Variants in BAALC observed in about 807,000 individuals in gnomAD.
The protein encoded by BAALC is brain and acute leukemia cytoplasmic protein.
Under a neutral mutation model 15.5 loss-of-function variants are expected in BAALC, and 9 were observed. That is an observed-to-expected ratio of 0.58 (90% confidence interval 0.35 to 1.02). BAALC has a LOEUF of 1.02. Among genes scored for constraint, BAALC ranks in the 50% least tolerant of loss-of-function variants. BAALC has a pLI of 0.02. For missense variants in BAALC, 201 were observed against 192.4 expected (o/e 1.04, Z -0.27); for synonymous variants, 80 against 74.6 (o/e 1.07, Z -0.37).
chr8:103,190,091 T>C (rs1811931963), intron 1 of BAALC, among the ~76,000 whole-genome samples: 1 of 152,108 alleles, frequency 6.6e-6, no homozygotes, highest in African/African-American at 2.4e-5. Context: ...AGGGAAATGA[T>C]AGGCCACCAG....
intron 1 of BAALC, among the ~76,000 whole-genome samples, chr8:103,210,107 T>G (rs1275597122): frequency 6.6e-6 from 1 of 152,134 alleles, no homozygotes; most frequent in Non-Finnish European, 1.5e-5. Flanking sequence ...ATGTGTACTG[T>G]GGTGTTCATA....
intron 1 of BAALC, among the ~76,000 whole-genome samples, chr8:103,169,541 A>T (rs1438698718): frequency 1.3e-5 from 2 of 152,152 alleles, no homozygotes; most frequent in African/African-American, 2.4e-5. Context: ...TGTCATCTTC[A>T]CTATAGAGTA....
At chr8:103,161,109 C>G (rs1464156110) in intron 1 of BAALC, among the ~76,000 whole-genome samples, 2 of 152,084 alleles carry the variant, frequency 1.3e-5, no homozygotes, top group Non-Finnish European at 2.9e-5. Flanking sequence ...ATTGCTGTTT[C>G]TTTCATTTCA....
chr8:103,216,103 T>G (rs1464139077), intron 2 of BAALC, among the ~76,000 whole-genome samples: 1 of 152,248 alleles, frequency 6.6e-6, no homozygotes, highest in African/African-American at 2.4e-5. Flanking sequence ...TGAGTTGCAA[T>G]AATTTTCTCA....
chr8:103,160,613 G>T (rs1469893085), intron 1 of BAALC, among the ~76,000 whole-genome samples: 1 of 151,996 alleles, frequency 6.6e-6, no homozygotes, highest in East Asian at 1.9e-4. Context: ...TTCTCCAGAG[G>T]AACAGAACTA....
At chr8:103,171,046 G>T (rs923174110) in intron 1 of BAALC, among the ~76,000 whole-genome samples, 2 of 151,914 alleles carry the variant, frequency 1.3e-5, no homozygotes, top group Admixed American at 1.3e-4. Context: ...TATTTGGAAA[G>T]CTATCAAGCC....
intron 2 of BAALC, among the ~76,000 whole-genome samples, chr8:103,223,769 T>A (rs757012034): frequency 6.6e-6 from 1 of 152,218 alleles, no homozygotes; most frequent in African/African-American, 2.4e-5. Flanking sequence ...CTTTGTATCA[T>A]CTGTGTATCA....
At chr8:103,211,721 C>T (rs1027937190) in intron 1 of BAALC, among the ~76,000 whole-genome samples, 4 of 152,292 alleles carry the variant, frequency 2.6e-5, no homozygotes, top group Admixed American at 1.3e-4. Flanking sequence ...TACTATTGGC[C>T]TAACTCTTGG....
intron 1 of BAALC, among the ~76,000 whole-genome samples, chr8:103,147,366 A>G (rs1478624803): frequency 1.3e-5 from 2 of 152,246 alleles, no homozygotes; most frequent in African/African-American, 4.8e-5. Flanking sequence ...ACGATAGTCA[A>G]TAATAACTCA....
chr8:103,157,134 AC>A (rs1405060276), intron 1 of BAALC: 1 of 150,592 alleles, frequency 6.6e-6, no homozygotes, highest in Admixed American at 6.6e-5. Context: ...GTACACACAC[AC>A]ACACACACAC....
intron 1 of BAALC, 65 bp from the exon 2 acceptor site, chr8:103,212,854 T>G: frequency 3.3e-6 from 5 of 1,498,810 alleles, no homozygotes; most frequent in Non-Finnish European, 4.5e-6. Flanking sequence ...TCCACCATTT[T>G]GGGATTGTTT....
intron 2 of BAALC, among the ~76,000 whole-genome samples, chr8:103,218,743 G>A (rs1812615004): frequency 6.6e-6 from 1 of 152,148 alleles, no homozygotes; most frequent in African/African-American, 2.4e-5. Flanking sequence ...CCGTGCTAAA[G>A]GAACTAGCAT....
chr8:103,168,739 T>C (rs1204669467), intron 1 of BAALC, among the ~76,000 whole-genome samples: 4 of 152,202 alleles, frequency 2.6e-5, no homozygotes, highest in African/African-American at 9.7e-5. Flanking sequence ...GAGGATTTCC[T>C]TAGCCTCTCT....
chr8:103,205,212 T>C (rs1275024764), intron 1 of BAALC, among the ~76,000 whole-genome samples: 1 of 152,218 alleles, frequency 6.6e-6, no homozygotes, highest in African/African-American at 2.4e-5. Context: ...CTAGCTACCA[T>C]TTTTAATTTC....
intron 1 of BAALC, among the ~76,000 whole-genome samples, chr8:103,211,467 T>A (rs1286801480): frequency 6.6e-6 from 1 of 152,230 alleles, no homozygotes; most frequent in Non-Finnish European, 1.5e-5. Flanking sequence ...TTTGTGGTTA[T>A]ATTATCTCCA....
chr8:103,223,935 G>C (rs778672130), intron 2 of BAALC, among the ~76,000 whole-genome samples: 1 of 152,154 alleles, frequency 6.6e-6, no homozygotes, highest in Non-Finnish European at 1.5e-5. Context: ...TTTAAAGAAG[G>C]CCTCTGCATT....
chr8:103,212,895 C>A, intron 1 of BAALC, 24 bp from the exon 2 acceptor site: 1 of 1,599,376 alleles, frequency 6.3e-7, no homozygotes, highest in East Asian at 2.2e-5. Context: ...GCTTCTGGTT[C>A]CATCCTCTGC....
intron 1 of BAALC, among the ~76,000 whole-genome samples, chr8:103,177,760 G>T (rs1379810531): frequency 6.6e-6 from 1 of 152,164 alleles, no homozygotes; most frequent in Admixed American, 6.5e-5. Context: ...TTGTGTTAGG[G>T]TAACAAGAGT....
chr8:103,202,441 C>T (rs1407959019), intron 1 of BAALC, among the ~76,000 whole-genome samples: 1 of 152,152 alleles, frequency 6.6e-6, no homozygotes, highest in East Asian at 1.9e-4. Flanking sequence ...CCTGTTGACA[C>T]CTTGATCTTG....
Sources: gnomAD v4.1 joint callset for allele counts (sites outside exome capture counted in the v4.1 genomes callset) on GRCh38, gnomAD v4.1.1 for gene constraint, MANE v1.5 for transcripts, NCBI Gene and HGNC (gene_info 2026-07-23, HGNC 2026-07-21) for gene names.